The following TTLL5 variants were observed in gnomAD, a reference collection of about 807,000 sequenced individuals.
TTLL5 encodes the protein tubulin tyrosine ligase like 5.
Under a neutral mutation model 168.4 loss-of-function variants are expected in TTLL5, and 132 were observed. The observed-to-expected ratio is 0.78, with a 90% CI of 0.68 to 0.91. The LOEUF (loss-of-function observed/expected upper bound fraction) is 0.91, where lower values mean the gene tolerates loss of function less well. Among genes scored for constraint, TTLL5 ranks in the 40% least tolerant of loss-of-function variants. The pLI is 0.00. For synonymous variants in TTLL5, 546 were observed against 558.6 expected, an observed-to-expected ratio of 0.98 and a Z score of 0.32; for missense variants, 1,545 against 1,581.5, an observed-to-expected ratio of 0.98 and a Z score of 0.39.
intron 12 of TTLL5, chr14:75,727,744 G>A: frequency 4.9e-6 from 2 of 406,196 alleles, no homozygotes; most frequent in Non-Finnish European, 5.0e-6. Context: ...CATGGTAGAT[G>A]AAAGAAACCA....
intron 31 of TTLL5, among the ~76,000 whole-genome samples, chr14:75,926,458 A>G (rs113153709): frequency 1.1e-3 from 166 of 152,244 alleles, no homozygotes; most frequent in Admixed American, 2.1e-3. Flanking sequence ...GGTCTTTACA[A>G]TTTGGCATGT....
intron 29 of TTLL5, among the ~76,000 whole-genome samples, chr14:75,879,725 C>T (rs545076203): frequency 6.6e-6 from 1 of 152,286 alleles, no homozygotes; most frequent in East Asian, 1.9e-4. Context: ...GTACATTTGA[C>T]CGCAAGCCAT....
intron 22 of TTLL5, 107 bp from the exon 23 acceptor site, chr14:75,776,640 A>C: frequency 1.4e-6 from 1 of 712,364 alleles, no homozygotes; most frequent in Non-Finnish European, 2.3e-6. Flanking sequence ...TGTCTTTACT[A>C]TAAGGACAGA....
chr14:75,679,565 AGTG>A (rs1479331092), intron 3 of TTLL5, among the ~76,000 whole-genome samples: 3 of 152,220 alleles, frequency 2.0e-5, no homozygotes, highest in Non-Finnish European at 4.4e-5. Context: ...ACTCCTTGTA[AGTG>A]TGGATACATG....
At position 75,914,017 on chromosome 14, in the gene TTLL5, GA is replaced by G. The variant is rs1201862659; in HGVS notation, c.3823+11810del. ...GCGACAGAGGAAGACTGTTTAAAAG[GA>G]AAAAAAAAAAAAAAAATATATATAT... On this transcript the variant is annotated intron_variant, in intron 31 of 31. Transcript: ENST00000298832. Among the ~76,000 whole-genome samples, 86 of 31,054 alleles carry G rather than the reference GA, an allele frequency of 2.8e-3. 1 individual carries two copies. Among genetic ancestry groups the G allele is most frequent in the African/African-American group, 5.9e-3 (25 of 4,262 alleles). 20.4% of individuals were successfully genotyped at this position (31,054 alleles called of 152,430 possible). A position where few individuals can be genotyped will look rare whatever the true frequency, so the allele number is the denominator to read the frequency against.
intron 10 of TTLL5, 94 bp downstream of exon 10, chr14:75,718,056 C>T (rs1887587530): frequency 9.6e-7 from 1 of 1,038,446 alleles, no homozygotes; most frequent in South Asian, 1.4e-5. Flanking sequence ...TGGAGGACAA[C>T]TTTACATTAA....
At chr14:75,888,920 A>G (rs566730801) in intron 30 of TTLL5, among the ~76,000 whole-genome samples, 8 of 115,190 alleles carry the variant, frequency 6.9e-5, no homozygotes, top group Non-Finnish European at 1.4e-4. Context: ...TGGGCAACAG[A>G]GAGAGACTGT....
chr14:75,717,427 T>C (rs944454370), intron 9 of TTLL5, among the ~76,000 whole-genome samples: 7 of 152,214 alleles, frequency 4.6e-5, no homozygotes, highest in African/African-American at 1.7e-4. Flanking sequence ...TTGTTATTTC[T>C]GGACCAGCTA....
At chr14:75,942,282 C>T (rs905099571) in intron 31 of TTLL5, among the ~76,000 whole-genome samples, 6 of 152,120 alleles carry the variant, frequency 3.9e-5, no homozygotes, top group Non-Finnish European at 8.8e-5. Context: ...CACATCAGGC[C>T]TTTTGTTGTT....
At chr14:75,818,623 G>T (rs1301930989) in intron 27 of TTLL5, 2 of 202,688 alleles carry the variant, frequency 9.9e-6, no homozygotes, top group Non-Finnish European at 2.0e-5. Flanking sequence ...GAGTAGCTGG[G>T]ACTACAGGTG....
At chr14:75,668,823 A>G (rs191027449) in intron 2 of TTLL5, among the ~76,000 whole-genome samples, 1 of 152,310 alleles carries the variant, frequency 6.6e-6, no homozygotes, top group African/African-American at 2.4e-5. Context: ...AGGATTCTTT[A>G]TGTGTGCAAA....
intron 20 of TTLL5, among the ~76,000 whole-genome samples, chr14:75,768,822 A>G (rs1332437736): frequency 6.6e-6 from 1 of 152,182 alleles, no homozygotes; most frequent in African/African-American, 2.4e-5. Flanking sequence ...AAGGTTTGGA[A>G]CAGTGTCATG....
chr14:75,891,586 C>T (rs569658591), intron 30 of TTLL5, among the ~76,000 whole-genome samples: 3 of 152,084 alleles, frequency 2.0e-5, no homozygotes, highest in African/African-American at 4.8e-5. Context: ...AGCTTATATT[C>T]GTAAGTTCTC....
At position 75,764,730 on chromosome 14, in the gene TTLL5, C is replaced by T. The variant is rs770811029; in HGVS notation, c.1666C>T (p.Arg556Ter). 1.2e-6 allele frequency: 2 copies of T among 1,613,868 alleles called. No individual in the cohort carries two copies. The highest frequency in any genetic ancestry group is 1.3e-5 in the African/African-American group (1 of 74,922). The stretch of plus-strand genomic sequence containing the variant: ...GTCTCTGGAGGTGCGAAAACGTAGA[C>T]GACGGAGTAGCAGATTGAGGGCAAT... ...LLSLEVRKRR[R>*]RSSRLRAMRP... The change falls in exon 19 of 32, where the codon CGA becomes TGA. Residue 556 changes from arginine (R) to a stop codon, truncating the protein, a stop_gained. Coordinates refer to ENST00000298832, the MANE Select transcript of TTLL5 (RefSeq NM_015072.5). LOFTEE classifies it high-confidence loss of function.
intron 31 of TTLL5, among the ~76,000 whole-genome samples, chr14:75,929,494 C>CA (rs1566665278): frequency 7.1e-6 from 1 of 140,998 alleles, no homozygotes; most frequent in African/African-American, 2.6e-5. Flanking sequence ...CTCTGTCGCC[C>CA]AGGCTGGAGT....
intron 31 of TTLL5, among the ~76,000 whole-genome samples, chr14:75,912,520 A>C (rs2033434031): frequency 1.3e-5 from 2 of 152,220 alleles, no homozygotes. Context: ...GGGCCAAAAA[A>C]CAAGATAATT....
At chr14:75,913,265 C>A (rs1452820322) in intron 31 of TTLL5, among the ~76,000 whole-genome samples, 1 of 152,108 alleles carries the variant, frequency 6.6e-6, no homozygotes, top group African/African-American at 2.4e-5. Flanking sequence ...GGCACCATCT[C>A]CCCACTTTTG....
intron 28 of TTLL5, among the ~76,000 whole-genome samples, chr14:75,824,668 C>T (rs1895018451): frequency 1.3e-5 from 2 of 151,142 alleles, no homozygotes; most frequent in South Asian, 4.2e-4. Context: ...TGTGAATGCA[C>T]TTAACACTCC....
At chr14:75,825,936 G>A (rs1895103851) in intron 28 of TTLL5, among the ~76,000 whole-genome samples, 1 of 152,108 alleles carries the variant, frequency 6.6e-6, no homozygotes, top group Admixed American at 6.5e-5. Context: ...CAAGCTCTGT[G>A]ACAGATTCTA....
Sources: gnomAD v4.1 joint callset for allele counts (sites outside exome capture counted in the v4.1 genomes callset) on GRCh38, gnomAD v4.1.1 for gene constraint, MANE v1.5 for transcripts, NCBI Gene and HGNC (gene_info 2026-07-23, HGNC 2026-07-21) for gene names.